DOCK1: variants seen among roughly 807,000 people sequenced by gnomAD.
DOCK1 encodes dedicator of cytokinesis 1.
DOCK1 carries 138 observed loss-of-function variants against 262.7 expected under a neutral mutation model. That is an observed-to-expected ratio of 0.53 (90% CI 0.46 to 0.61). The LOEUF is 0.61. DOCK1 is among the 20% of genes least tolerant of loss of function. The pLI, the probability that DOCK1 is intolerant of heterozygous loss-of-function variation, is 0.00. For synonymous variants in DOCK1, 866 were observed against 867.4 expected, an observed-to-expected ratio of 1.00 and a Z score of 0.03; for missense variants, 1,908 against 2,370.7, an observed-to-expected ratio of 0.80 and a Z score of 4.05.
chr10:126,922,493 C>T (rs1025969446), intron 1 of DOCK1, among the ~76,000 whole-genome samples: 8 of 152,024 alleles, frequency 5.3e-5, no homozygotes, highest in Admixed American at 1.3e-4. Context: ...CAACCAGTGT[C>T]TCGGGAACTC....
At chr10:127,296,482 T>C (rs1007893633) in intron 29 of DOCK1, among the ~76,000 whole-genome samples, 1 of 152,228 alleles carries the variant, frequency 6.6e-6, no homozygotes, top group Non-Finnish European at 1.5e-5. Context: ...TCTTTTTACA[T>C]GGCTGCCATA....
intron 29 of DOCK1, among the ~76,000 whole-genome samples, chr10:127,306,626 C>G (rs533356251): frequency 6.6e-6 from 1 of 152,272 alleles, no homozygotes; most frequent in Admixed American, 6.5e-5. Context: ...ATCCCCTATT[C>G]AGCATTACAT....
intron 22 of DOCK1, among the ~76,000 whole-genome samples, chr10:127,061,292 G>A (rs1010834987): frequency 2.6e-5 from 4 of 152,080 alleles, no homozygotes; most frequent in Non-Finnish European, 4.4e-5. Flanking sequence ...TCTTAATAGT[G>A]TAATTTTTGT....
chr10:126,952,919 TTATTGTTGGTAG>T (rs1285022495), intron 1 of DOCK1, among the ~76,000 whole-genome samples: 1 of 55,810 alleles, frequency 1.8e-5, no homozygotes, highest in African/African-American at 6.9e-5. Context: ...GATAGTATTG[TTATTGTTGGTAG>T]TATTGTTGGT....
intron 23 of DOCK1, among the ~76,000 whole-genome samples, chr10:127,087,316 G>C (rs71474204): frequency 0.16 from 23,592 of 152,146 alleles, 2,200 homozygotes; most frequent in African/African-American, 0.26. Flanking sequence ...GAGAAGTTCT[G>C]TGATGTTTAG....
At position 127,184,374 on chromosome 10, in the gene DOCK1, C is replaced by A. The variant is rs1034355595; in HGVS notation, c.2847+56610C>A. ...CATGCCCTATTCGTTTTTGTTTTTC[C>A]TTCCTGTTGCTTCTCCTACTGATTT... On this transcript the variant is annotated intron_variant, in intron 27 of 51. Coordinates refer to ENST00000623213, the MANE Select transcript of DOCK1 (RefSeq NM_001290223.2). Among the ~76,000 whole-genome samples, 3 of 141,794 alleles carry A rather than the reference C, an allele frequency of 2.1e-5. No homozygotes were observed. The South Asian group carries it at 7.0e-4, about 33-fold the overall frequency. The allele number at this position is 141,794 out of a possible 152,430, so 93.0% of individuals were successfully genotyped here.
chr10:127,009,190 A>G (rs914015118), intron 11 of DOCK1, among the ~76,000 whole-genome samples: 3 of 152,192 alleles, frequency 2.0e-5, no homozygotes, highest in Admixed American at 2.0e-4. Flanking sequence ...ATAAAAAAAC[A>G]AACAATTATG....
chr10:127,046,114 A>G (rs1350670975), intron 21 of DOCK1, among the ~76,000 whole-genome samples: 1 of 152,230 alleles, frequency 6.6e-6, no homozygotes, highest in African/African-American at 2.4e-5. Flanking sequence ...TGGTTTGAAG[A>G]ATTCCCAAAA....
In DOCK1 at chr10:126,926,477, T is replaced by G. The variant is rs541882451; in HGVS notation, c.46+20914T>G. Among the ~76,000 whole-genome samples, 8 of 152,324 alleles carry G rather than the reference T, an allele frequency of 5.3e-5. No individual in the cohort carries two copies. The East Asian group carries it at 1.5e-3, about 29-fold the overall frequency. ...TAAGGGAAAACACAACTACTTATCT[T>G]GCAGTTTTACGACTGTATCACTTAA... On this transcript the variant is annotated intron_variant, in intron 1 of 51. Transcript: ENST00000623213.
intron 27 of DOCK1, among the ~76,000 whole-genome samples, chr10:127,218,452 T>C (rs937567200): frequency 4.6e-5 from 7 of 152,174 alleles, no homozygotes; most frequent in Non-Finnish European, 1.0e-4. Context: ...TTGGCCAAAG[T>C]TAAGACTAGA....
chr10:127,226,888 C>T lies in DOCK1; in HGVS notation c.2848-21120C>T, dbSNP rs117771870. 3.4e-3 allele frequency among the ~76,000 whole-genome samples: 513 copies of T among 152,262 alleles called. 2 individuals are homozygous for T. Among genetic ancestry groups the T allele is most frequent in the Admixed American group, 5.8e-3 (89 of 15,306 alleles). Reference sequence around the variant, plus strand: ...CCTTCACCTGGGAGGCATGCTATTGCGTTCCCCACAGCACCCAAGTCACCC... The same window carrying T: ...CCTTCACCTGGGAGGCATGCTATTGTGTTCCCCACAGCACCCAAGTCACCC... On this transcript the variant is annotated intron_variant, in intron 27 of 51. Coordinates refer to ENST00000623213, the MANE Select transcript of DOCK1 (RefSeq NM_001290223.2).
intron 29 of DOCK1, among the ~76,000 whole-genome samples, chr10:127,336,600 C>T (rs559811913): frequency 5.2e-4 from 79 of 150,644 alleles, no homozygotes; most frequent in East Asian, 1.4e-3. Flanking sequence ...AGTGCAGTGG[C>T]GCAATCCTGG....
chr10:127,024,573 G>C (rs1034411807), intron 14 of DOCK1, 112 bp from the exon 15 acceptor site: 18 of 822,330 alleles, frequency 2.2e-5, no homozygotes. Flanking sequence ...TTGTGGTGGG[G>C]GTGTGTTGGT....
intron 29 of DOCK1, among the ~76,000 whole-genome samples, chr10:127,322,430 A>T (rs2766044): frequency 0.5 from 75,108 of 151,454 alleles, 18,954 homozygotes; most frequent in African/African-American, 0.6. Flanking sequence ...CCTCAAGTGA[A>T]CCACCCATCT....
intron 1 of DOCK1, among the ~76,000 whole-genome samples, chr10:126,917,309 G>A (rs912464710): frequency 2.0e-5 from 3 of 152,162 alleles, no homozygotes; most frequent in Non-Finnish European, 4.4e-5. Context: ...TGGGTATTTC[G>A]GGCTTGTGGG....
chr10:127,386,993 A>C (rs2066161402), intron 38 of DOCK1, among the ~76,000 whole-genome samples: 3 of 152,098 alleles, frequency 2.0e-5, no homozygotes. Flanking sequence ...CCTTCCCGGC[A>C]GTGGCTTCTT....
intron 4 of DOCK1, among the ~76,000 whole-genome samples, 178 bp from the exon 5 acceptor site, chr10:126,987,343 T>C (rs116493593): frequency 4.6e-5 from 7 of 152,340 alleles, no homozygotes; most frequent in African/African-American, 1.2e-4. Context: ...TGTACAAATA[T>C]AACTTGTCAT....
At chr10:126,925,662 G>A (rs1001747825) in intron 1 of DOCK1, among the ~76,000 whole-genome samples, 1 of 152,044 alleles carries the variant, frequency 6.6e-6, no homozygotes, top group Non-Finnish European at 1.5e-5. Context: ...GATTACAGGC[G>A]TGAGCCACCC....
chr10:127,220,610 T>C (rs1479714936), intron 27 of DOCK1, among the ~76,000 whole-genome samples: 1 of 151,930 alleles, frequency 6.6e-6, no homozygotes, highest in Admixed American at 6.6e-5. Flanking sequence ...AGGAGCTTTG[T>C]GGGGTAGAGC....
Sources: gnomAD v4.1 joint callset for allele counts (sites outside exome capture counted in the v4.1 genomes callset) on GRCh38, gnomAD v4.1.1 for gene constraint, MANE v1.5 for transcripts, NCBI Gene and HGNC (gene_info 2026-07-23, HGNC 2026-07-21) for gene names.